CATSPERT: variants seen among roughly 807,000 people sequenced by gnomAD.
CATSPERT encodes catsper channel auxiliary subunit tau, also known as cation channel sperm-associated targeting subunit tau.
chr2:201,596,916 A>C, the CATSPERT span, among the ~76,000 whole-genome samples: 1 of 152,114 alleles, frequency 6.6e-6, no homozygotes, highest in Non-Finnish European at 1.5e-5. Flanking sequence ...AGTTATTTTA[A>C]AGTTCTTGTC....
chr2:201,515,072 A>T, the CATSPERT span, among the ~76,000 whole-genome samples: 1 of 152,116 alleles, frequency 6.6e-6, no homozygotes, highest in Admixed American at 6.5e-5. Context: ...TAAATAAAGG[A>T]CTAAGTAGAA....
At chr2:201,608,219 C>T in the CATSPERT span, among the ~76,000 whole-genome samples, 1 of 152,078 alleles carries the variant, frequency 6.6e-6, no homozygotes, top group Non-Finnish European at 1.5e-5. Flanking sequence ...ACAATCATAG[C>T]TCGTTGTAGC....
chr2:201,525,166 C>T, the CATSPERT span, among the ~76,000 whole-genome samples: 1 of 152,190 alleles, frequency 6.6e-6, no homozygotes, highest in African/African-American at 2.4e-5. Context: ...ATACATTCTT[C>T]TCATGTGCAT....
At chr2:201,590,638 C>T in the CATSPERT span, among the ~76,000 whole-genome samples, 1 of 152,178 alleles carries the variant, frequency 6.6e-6, no homozygotes, top group Non-Finnish European at 1.5e-5. Context: ...CACATCCTCT[C>T]CAGCACTTGT....
chr2:201,494,367 C>T, the CATSPERT span: 1 of 1,536,882 alleles, frequency 6.5e-7, no homozygotes, highest in Non-Finnish European at 8.7e-7. Context: ...AATTTAAAGA[C>T]TTCGAGAGGT....
At chr2:201,592,192 G>T in the CATSPERT span, among the ~76,000 whole-genome samples, 2 of 152,170 alleles carry the variant, frequency 1.3e-5, no homozygotes, top group Non-Finnish European at 2.9e-5. Flanking sequence ...TAGCATGAAA[G>T]GTTGTTGAAT....
the CATSPERT span, among the ~76,000 whole-genome samples, chr2:201,604,424 T>C: frequency 1.3e-5 from 2 of 152,168 alleles, no homozygotes; most frequent in Non-Finnish European, 2.9e-5. Flanking sequence ...ATCCCTAATA[T>C]AGAAGATATT....
At chr2:201,505,164 A>G in the CATSPERT span, among the ~76,000 whole-genome samples, 1 of 152,110 alleles carries the variant, frequency 6.6e-6, no homozygotes, top group African/African-American at 2.4e-5. Flanking sequence ...CAGTGGCACA[A>G]TCTCAGTTCA....
At chr2:201,526,815 A>C in the CATSPERT span, among the ~76,000 whole-genome samples, 17 of 152,246 alleles carry the variant, frequency 1.1e-4, no homozygotes, top group African/African-American at 4.1e-4. Context: ...ATCATACTGA[A>C]TGGGGAAAAG....
At chr2:201,551,507 T>G in the CATSPERT span, among the ~76,000 whole-genome samples, 1 of 152,220 alleles carries the variant, frequency 6.6e-6, no homozygotes, top group African/African-American at 2.4e-5. Context: ...GTAAAGATAC[T>G]GTATTAAATC....
the CATSPERT span, among the ~76,000 whole-genome samples, chr2:201,589,218 C>A: frequency 6.6e-6 from 1 of 152,070 alleles, no homozygotes; most frequent in Non-Finnish European, 1.5e-5. Context: ...TCTTATTAAA[C>A]CCCCATTGAG....
the CATSPERT span, chr2:201,494,656 A>T: frequency 6.5e-7 from 1 of 1,536,466 alleles, no homozygotes; most frequent in African/African-American, 1.4e-5. Context: ...TGCACCTAAG[A>T]TATTTCTATA....
the CATSPERT span, among the ~76,000 whole-genome samples, chr2:201,564,741 C>A: frequency 6.6e-6 from 1 of 152,114 alleles, no homozygotes; most frequent in East Asian, 1.9e-4. Flanking sequence ...AGGAAGAGGG[C>A]CCTCAGCAGG....
the CATSPERT span, among the ~76,000 whole-genome samples, chr2:201,590,435 G>A: frequency 9.9e-5 from 15 of 151,876 alleles, no homozygotes; most frequent in Non-Finnish European, 1.9e-4. Context: ...GAATAATGCC[G>A]CAATAAACAT....
chr2:201,503,565 T>A, the CATSPERT span, among the ~76,000 whole-genome samples: 231 of 152,278 alleles, frequency 1.5e-3, 1 homozygote, highest in African/African-American at 5.3e-3. Context: ...TGGCTAATTT[T>A]AAAAATTTAT....
the CATSPERT span, among the ~76,000 whole-genome samples, chr2:201,559,386 A>G: frequency 6.6e-6 from 1 of 152,222 alleles, no homozygotes; most frequent in Non-Finnish European, 1.5e-5. Flanking sequence ...TCACCAGGCC[A>G]GCAAAGCAGC....
the CATSPERT span, among the ~76,000 whole-genome samples, chr2:201,569,536 T>C: frequency 2.6e-5 from 4 of 152,172 alleles, no homozygotes; most frequent in Admixed American, 6.5e-5. Flanking sequence ...ATTACTCCCA[T>C]TGCATTTAAG....
At chr2:201,610,202 C>A in the CATSPERT span, among the ~76,000 whole-genome samples, 1 of 152,124 alleles carries the variant, frequency 6.6e-6, no homozygotes, top group Admixed American at 6.5e-5. Flanking sequence ...TGCCTGTAAT[C>A]CCAGCACTTC....
the CATSPERT span, among the ~76,000 whole-genome samples, chr2:201,538,329 A>C: frequency 6.6e-6 from 1 of 152,088 alleles, no homozygotes; most frequent in South Asian, 2.1e-4. Flanking sequence ...ACGTTGTCAC[A>C]TATGGCAGGA....
Sources: allele counts gnomAD v4.1 joint callset (sites outside exome capture counted in the v4.1 genomes callset), GRCh38; gene constraint gnomAD v4.1.1; transcripts MANE v1.5; gene names NCBI Gene and HGNC (gene_info 2026-07-23, HGNC 2026-07-21).